PCDH7: variants seen among roughly 807,000 people sequenced by gnomAD.
PCDH7 encodes the protein protocadherin-7.
PCDH7 carries 17 observed loss-of-function variants against 58.9 expected under a neutral mutation model. The observed-to-expected ratio is 0.29, with a 90% CI of 0.20 to 0.43. PCDH7 has a LOEUF of 0.43. PCDH7 is among the 20% of genes least tolerant of loss of function. The probability of loss-of-function intolerance (pLI) is 1.00; values close to 1 mark genes in which losing one functional copy is unlikely to be tolerated. For synonymous variants in PCDH7, 664 were observed against 616.4 expected (o/e 1.08, Z -1.14); for missense variants, 1,274 against 1,441.0 (o/e 0.88, Z 1.88).
intron 1 of PCDH7, among the ~76,000 whole-genome samples, chr4:30,871,609 T>C (rs1366828273): frequency 2.0e-5 from 3 of 152,106 alleles, no homozygotes; most frequent in African/African-American, 7.2e-5. Flanking sequence ...TGGTAACCTC[T>C]GCTAACTGTT....
At chr4:30,760,966 C>T (rs1041494428) in intron 1 of PCDH7, among the ~76,000 whole-genome samples, 1 of 152,178 alleles carries the variant, frequency 6.6e-6, no homozygotes, top group Non-Finnish European at 1.5e-5. Flanking sequence ...TTCCATTCAA[C>T]TTGAAAAATG....
intron 1 of PCDH7, among the ~76,000 whole-genome samples, chr4:30,766,491 T>C (rs1720767076): frequency 6.6e-6 from 1 of 152,160 alleles, no homozygotes; most frequent in South Asian, 2.1e-4. Context: ...TAAATGACAA[T>C]GACACATAAT....
At chr4:30,873,413 T>C (rs1237856812) in intron 1 of PCDH7, among the ~76,000 whole-genome samples, 6 of 152,020 alleles carry the variant, frequency 3.9e-5, no homozygotes, top group African/African-American at 1.5e-4. Flanking sequence ...TTTATGGAGA[T>C]ATGGCAGAGA....
intron 3 of PCDH7, among the ~76,000 whole-genome samples, chr4:31,091,076 A>C (rs1006511490): frequency 1.3e-5 from 2 of 152,004 alleles, no homozygotes; most frequent in African/African-American, 4.8e-5. Context: ...TTCATTTTTT[A>C]GACTTTCCTT....
intron 1 of PCDH7, among the ~76,000 whole-genome samples, chr4:30,861,976 T>C (rs1334203653): frequency 6.6e-6 from 1 of 152,100 alleles, no homozygotes; most frequent in Non-Finnish European, 1.5e-5. Context: ...AATATAATCC[T>C]ACTTAGGGCA....
chr4:31,098,225 T>G (rs1560222479), intron 3 of PCDH7, among the ~76,000 whole-genome samples: 2 of 152,202 alleles, frequency 1.3e-5, no homozygotes, highest in Non-Finnish European at 2.9e-5. Flanking sequence ...TGAAAGCATA[T>G]TATCATCTTC....
rs925469298 is a variant in PCDH7, at chr4:30,721,830, C to G, written c.408C>G (p.Ile136Met). ...AGGGTCAGGTCATCGTGCTTGACAT[C>G]AACGACAACACGCCCACCTTCCCGT... The change falls in exon 1 of 2, where the codon ATC (isoleucine) becomes ATG (methionine). Residue 136 changes from isoleucine to methionine, a missense_variant. By Grantham distance (10) the Ile-to-Met change is conservative. Transcript: ENST00000361762. This position sits in a 1 kb window ranked among gnomAD's most constrained non-coding sequence, Gnocchi z 6.7. 32 of 1,610,830 alleles carry G rather than the reference C, an allele frequency of 2.0e-5. No homozygotes were observed. Among genetic ancestry groups the G allele is most frequent in the Middle Eastern group, 3.3e-4 (2 of 6,078 alleles).
At chr4:30,935,606 G>A (rs1745247991) in intron 2 of PCDH7, among the ~76,000 whole-genome samples, 1 of 152,086 alleles carries the variant, frequency 6.6e-6, no homozygotes, top group African/African-American at 2.4e-5. Flanking sequence ...AACTCACAGA[G>A]ATATTAATCA....
At chr4:31,040,440 T>C (rs2109203145) in intron 3 of PCDH7, among the ~76,000 whole-genome samples, 1 of 152,356 alleles carries the variant, frequency 6.6e-6, no homozygotes, top group South Asian at 2.1e-4. Flanking sequence ...TGTTCTTAAA[T>C]TGATTTTTGC....
intron 3 of PCDH7, among the ~76,000 whole-genome samples, chr4:31,034,459 C>T (rs1755217418): frequency 6.6e-6 from 1 of 152,262 alleles, no homozygotes; most frequent in South Asian, 2.1e-4. Flanking sequence ...TTTCAAATTT[C>T]ATTGTAAATA....
intron 1 of PCDH7, among the ~76,000 whole-genome samples, chr4:30,802,541 G>A (rs1201028650): frequency 3.3e-5 from 5 of 152,038 alleles, no homozygotes; most frequent in Admixed American, 1.3e-4. Flanking sequence ...GAATCAAAAA[G>A]TCAGATGGAC....
At chr4:31,056,905 T>C in intron 3 of PCDH7, among the ~76,000 whole-genome samples, 1 of 152,244 alleles carries the variant, frequency 6.6e-6, no homozygotes, top group Non-Finnish European at 1.5e-5. Flanking sequence ...AGTCATCCAT[T>C]AGTCAAATAT....
intron 2 of PCDH7, among the ~76,000 whole-genome samples, chr4:30,932,893 A>C (rs922573112): frequency 4.6e-5 from 7 of 152,220 alleles, no homozygotes; most frequent in Admixed American, 3.9e-4. Context: ...TATCCCATTC[A>C]GTAGATAAGA....
chr4:30,989,911 A>G (rs376069099), intron 3 of PCDH7, among the ~76,000 whole-genome samples: 2 of 152,176 alleles, frequency 1.3e-5, no homozygotes, highest in African/African-American at 4.8e-5. Flanking sequence ...CTATGTCTAG[A>G]AAAATGTATT....
At chr4:31,078,402 C>G (rs1259826586) in intron 3 of PCDH7, among the ~76,000 whole-genome samples, 1 of 152,144 alleles carries the variant, frequency 6.6e-6, no homozygotes, top group East Asian at 1.9e-4. Flanking sequence ...CCCACTTCAG[C>G]CTCCCAAGTA....
intron 1 of PCDH7, among the ~76,000 whole-genome samples, chr4:30,908,599 C>T (rs1254874726): frequency 6.6e-6 from 1 of 152,124 alleles, no homozygotes; most frequent in Non-Finnish European, 1.5e-5. Flanking sequence ...AGTTGAATCC[C>T]TGAATAGACC....
At chr4:30,973,944 T>A (rs1370221679) in intron 3 of PCDH7, among the ~76,000 whole-genome samples, 2 of 152,060 alleles carry the variant, frequency 1.3e-5, no homozygotes, top group Admixed American at 6.6e-5. Context: ...AACTAAACTT[T>A]AAAAAATCAC....
At chr4:31,112,439 A>T (rs903827887) in intron 3 of PCDH7, among the ~76,000 whole-genome samples, 40 of 152,334 alleles carry the variant, frequency 2.6e-4, no homozygotes, top group African/African-American at 9.1e-4. Flanking sequence ...CAGCAAATTT[A>T]TAATATTTAA....
intron 2 of PCDH7, among the ~76,000 whole-genome samples, chr4:30,921,326 T>C (rs547937446): frequency 1.3e-5 from 2 of 152,260 alleles, no homozygotes; most frequent in African/African-American, 4.8e-5. Flanking sequence ...TTATGTCTTT[T>C]GCCATCTCAA....
Sources: allele counts gnomAD v4.1 joint callset (sites outside exome capture counted in the v4.1 genomes callset), GRCh38; gene constraint gnomAD v4.1.1; non-coding constraint Gnocchi (gnomAD v3.1); transcripts MANE v1.5; gene names NCBI Gene and HGNC (gene_info 2026-07-23, HGNC 2026-07-21).